The following SNTG1 variants were observed in gnomAD, a reference collection of about 807,000 sequenced individuals.
SNTG1 encodes the protein gamma-1-syntrophin.
Under a neutral mutation model 74.7 loss-of-function variants are expected in SNTG1, and 39 were observed. That is an observed-to-expected ratio of 0.52 (90% confidence interval 0.40 to 0.68). The LOEUF (loss-of-function observed/expected upper bound fraction) is 0.68, where lower values mean the gene tolerates loss of function less well. Among genes scored for constraint, SNTG1 ranks in the 30% least tolerant of loss-of-function variants. The probability of loss-of-function intolerance (pLI) is 0.00; values close to 1 mark genes in which losing one functional copy is unlikely to be tolerated. For synonymous variants in SNTG1, 254 were observed against 217.1 expected (o/e 1.17, Z -1.49); for missense variants, 685 against 609.5 (o/e 1.12, Z -1.30).
chr8:50,301,950 G>C (rs2130673842), intron 2 of SNTG1, among the ~76,000 whole-genome samples: 1 of 151,756 alleles, frequency 6.6e-6, no homozygotes, highest in African/African-American at 2.4e-5. Context: ...TCCGCCTCCT[G>C]GCTTCAAGCC....
At chr8:50,005,593 C>T (rs1483947572) in intron 1 of SNTG1, among the ~76,000 whole-genome samples, 1 of 152,016 alleles carries the variant, frequency 6.6e-6, no homozygotes, top group Non-Finnish European at 1.5e-5. Flanking sequence ...TTACTATATA[C>T]ATACAAATAC....
intron 13 of SNTG1, among the ~76,000 whole-genome samples, chr8:50,592,469 A>G (rs1169786318): frequency 6.6e-6 from 1 of 152,198 alleles, no homozygotes; most frequent in Non-Finnish European, 1.5e-5. Context: ...TGACAACTAC[A>G]GCTAACACTT....
intron 13 of SNTG1, among the ~76,000 whole-genome samples, chr8:50,625,009 TTCTTTTGC>T (rs2094947653): frequency 6.6e-6 from 1 of 152,182 alleles, no homozygotes; most frequent in South Asian, 2.1e-4. Flanking sequence ...GCTTCAGCAT[TTCTTTTGC>T]TCTTCCCTAA....
At chr8:50,278,072 C>G (rs2088218751) in intron 2 of SNTG1, among the ~76,000 whole-genome samples, 1 of 152,004 alleles carries the variant, frequency 6.6e-6, no homozygotes. Flanking sequence ...GCTAAGGAGG[C>G]TGAGGTGGGA....
chr8:50,751,360 G>A (rs548805053), intron 17 of SNTG1, among the ~76,000 whole-genome samples: 1 of 152,108 alleles, frequency 6.6e-6, no homozygotes, highest in African/African-American at 2.4e-5. Context: ...ACAAAAACTT[G>A]TTATAGACAA....
At chr8:49,978,103 G>A (rs1042241377) in intron 1 of SNTG1, among the ~76,000 whole-genome samples, 1 of 152,218 alleles carries the variant, frequency 6.6e-6, no homozygotes, top group Non-Finnish European at 1.5e-5. Flanking sequence ...ACGTTGGGAT[G>A]TTGAAATGTA....
chr8:50,674,165 G>T (rs1173594424), intron 15 of SNTG1, among the ~76,000 whole-genome samples: 1 of 151,820 alleles, frequency 6.6e-6, no homozygotes, highest in Non-Finnish European at 1.5e-5. Context: ...TTCCAGTTTT[G>T]GTATTAGGAT....
intron 5 of SNTG1, among the ~76,000 whole-genome samples, chr8:50,440,481 GTTTA>G: frequency 6.6e-6 from 1 of 152,102 alleles, no homozygotes; most frequent in African/African-American, 2.4e-5. Context: ...AAACTACTGT[GTTTA>G]TTTGTTAGCA....
intron 2 of SNTG1, among the ~76,000 whole-genome samples, chr8:50,282,886 G>A (rs1184366357): frequency 6.6e-6 from 1 of 152,154 alleles, no homozygotes; most frequent in African/African-American, 2.4e-5. Flanking sequence ...GTTACCAATT[G>A]TGTCCTGTTA....
chr8:50,301,929 T>G (rs2089668569), intron 2 of SNTG1, among the ~76,000 whole-genome samples: 1 of 152,054 alleles, frequency 6.6e-6, no homozygotes, highest in Admixed American at 6.5e-5. Context: ...CAATCTCAGT[T>G]CACTGCAACC....
chr8:50,565,095 T>C (rs908493760), intron 12 of SNTG1, among the ~76,000 whole-genome samples: 31 of 152,126 alleles, frequency 2.0e-4, no homozygotes, highest in African/African-American at 7.0e-4. Context: ...CCTAGTCTCA[T>C]CATGGAAAGA....
intron 1 of SNTG1, chr8:50,163,790 T>A (rs1160529044): frequency 6.6e-6 from 1 of 152,190 alleles, no homozygotes; most frequent in Non-Finnish European, 1.5e-5. Context: ...CCCATGAATT[T>A]TTTTAGTAAA....
intron 1 of SNTG1, among the ~76,000 whole-genome samples, chr8:50,026,255 G>A (rs887477931): frequency 2.0e-5 from 3 of 152,104 alleles, no homozygotes; most frequent in African/African-American, 4.8e-5. Context: ...TTTTAAAAAT[G>A]TCTTTAGAAA....
rs868519414 is a variant in SNTG1, at chr8:50,387,607, A to G, written c.-27-6605A>G. Among the ~76,000 whole-genome samples, 13 of 152,334 alleles carry G rather than the reference A, an allele frequency of 8.5e-5. No homozygotes were observed. In the East Asian group the frequency reaches 1.2e-3, roughly 14 times the overall value. On this transcript the variant is annotated intron_variant, in intron 2 of 18. Coordinates refer to ENST00000642720, the MANE Select transcript of SNTG1 (RefSeq NM_018967.5). ...ATGCTTAGTGGGGCAATATCAATCA[A>G]TTTGACCTAGTCCAAATTTATGTGC...
At chr8:50,284,258 TAA>T (rs982639616) in intron 2 of SNTG1, among the ~76,000 whole-genome samples, 2 of 152,044 alleles carry the variant, frequency 1.3e-5, no homozygotes, top group African/African-American at 4.8e-5. Flanking sequence ...TAGAAAAACA[TAA>T]GATGTTTTTC....
At chr8:50,595,952 G>A (rs2094724526) in intron 13 of SNTG1, among the ~76,000 whole-genome samples, 1 of 151,852 alleles carries the variant, frequency 6.6e-6, no homozygotes, top group South Asian at 2.1e-4. Context: ...AAAAGTCTTT[G>A]TCTTGACATA....
chr8:50,130,159 C>G (rs1020664615), intron 1 of SNTG1, among the ~76,000 whole-genome samples: 2 of 152,114 alleles, frequency 1.3e-5, no homozygotes, highest in African/African-American at 2.4e-5. Context: ...AAAGACATAT[C>G]TTTAGTTACA....
intron 13 of SNTG1, among the ~76,000 whole-genome samples, chr8:50,654,396 T>A (rs1453812575): frequency 1.3e-5 from 2 of 152,152 alleles, no homozygotes; most frequent in Admixed American, 1.3e-4. Context: ...TCATAAATAT[T>A]TATTTGTCTA....
chr8:50,225,197 C>A (rs908006202), intron 2 of SNTG1, among the ~76,000 whole-genome samples: 1 of 152,088 alleles, frequency 6.6e-6, no homozygotes, highest in South Asian at 2.1e-4. Context: ...TGGTCTTGAT[C>A]TCCTGACCTC....
Sources: allele counts gnomAD v4.1 joint callset (sites outside exome capture counted in the v4.1 genomes callset), GRCh38; gene constraint gnomAD v4.1.1; transcripts MANE v1.5; gene names NCBI Gene and HGNC (gene_info 2026-07-23, HGNC 2026-07-21).